NPY2R: variants seen among roughly 807,000 people sequenced by gnomAD.
NPY2R encodes neuropeptide Y receptor Y2, also known as neuropeptide Y receptor type 2.
A neutral mutation model predicts 22.3 loss-of-function variants in NPY2R; 17 were observed. The ratio of observed to expected loss-of-function variants is 0.76; its 90% CI spans 0.52 to 1.14. The LOEUF is 1.14. NPY2R is among the 50% of genes most tolerant of loss of function. NPY2R has a pLI of 0.00. For synonymous variants in NPY2R, 209 were observed against 183.4 expected, an observed-to-expected ratio of 1.14 and a Z score of -1.13; for missense variants, 424 against 467.9, an observed-to-expected ratio of 0.91 and a Z score of 0.87.
the NPY2R span, among the ~76,000 whole-genome samples, chr4:155,196,169 G>T: frequency 2.0e-5 from 3 of 151,948 alleles, no homozygotes; most frequent in Admixed American, 6.6e-5. Flanking sequence ...ATCCTGGTCG[G>T]TGTCTAACAT....
At chr4:155,197,310 G>T in the NPY2R span, among the ~76,000 whole-genome samples, 3 of 151,810 alleles carry the variant, frequency 2.0e-5, no homozygotes, top group African/African-American at 7.3e-5. Flanking sequence ...TTATTTGTAG[G>T]TATCATATTT....
At chr4:155,192,601 GT>G in the NPY2R span, among the ~76,000 whole-genome samples, 1 of 151,850 alleles carries the variant, frequency 6.6e-6, no homozygotes, top group Admixed American at 6.6e-5. Context: ...CTCACACACA[GT>G]TTTAAAATTT....
chr4:155,186,425 T>C, the NPY2R span, among the ~76,000 whole-genome samples: 2 of 152,172 alleles, frequency 1.3e-5, no homozygotes, highest in South Asian at 4.1e-4. Flanking sequence ...AAAAGCCATA[T>C]AGCTGTGTTC....
At chr4:155,199,537 CA>C in the NPY2R span, among the ~76,000 whole-genome samples, 1 of 151,884 alleles carries the variant, frequency 6.6e-6, no homozygotes, top group African/African-American at 2.4e-5. Flanking sequence ...TATATGGAAC[CA>C]AAAAAGAGCC....
the NPY2R span, among the ~76,000 whole-genome samples, chr4:155,201,257 A>G: frequency 6.6e-6 from 1 of 152,038 alleles, no homozygotes; most frequent in East Asian, 1.9e-4. Flanking sequence ...CTGGGCCTTG[A>G]GAGGTCATAA....
At chr4:155,183,333 C>T in the NPY2R span, among the ~76,000 whole-genome samples, 20 of 152,108 alleles carry the variant, frequency 1.3e-4, no homozygotes, top group Non-Finnish European at 2.1e-4. Context: ...TCCTTATGAC[C>T]TCAGGGCTGA....
the NPY2R span, among the ~76,000 whole-genome samples, chr4:155,175,175 AC>A: frequency 1.3e-5 from 2 of 152,174 alleles, no homozygotes; most frequent in Non-Finnish European, 2.9e-5. Flanking sequence ...AATTTCGCCA[AC>A]CGAGTACCAT....
chr4:155,213,541 G>T (rs1729446934), intron 1 of NPY2R, among the ~76,000 whole-genome samples: 1 of 151,992 alleles, frequency 6.6e-6, no homozygotes, highest in Non-Finnish European at 1.5e-5. Context: ...ATTCATAGTG[G>T]TTATACAATT....
At chr4:155,187,381 A>G in the NPY2R span, among the ~76,000 whole-genome samples, 2 of 152,320 alleles carry the variant, frequency 1.3e-5, no homozygotes, top group South Asian at 4.1e-4. Context: ...TCAGATCATA[A>G]ATCTGGTTTT....
At chr4:155,195,973 C>A in the NPY2R span, among the ~76,000 whole-genome samples, 2 of 151,770 alleles carry the variant, frequency 1.3e-5, no homozygotes, top group African/African-American at 4.8e-5. Flanking sequence ...TTCCAGAAAA[C>A]GAAAGTTTTA....
In NPY2R at chr4:155,215,876, A is replaced by G. The variant is rs1729504921; in HGVS notation, c.*791A>G. ...ATACTATTTAGATAACAAGAATACA[A>G]CTTGATACTTTTATTGTTATACCTT... On this transcript the variant is annotated 3_prime_UTR_variant, in exon 2 of 2. Transcript: ENST00000329476. 1 of 166,938 alleles carries G rather than the reference A, an allele frequency of 6.0e-6. No individual in the cohort carries two copies. Among genetic ancestry groups the G allele is most frequent in the East Asian group, 1.9e-4 (1 of 5,204 alleles). 10.3% of individuals were successfully genotyped at this position (166,938 alleles called of 1,614,324 possible).
At chr4:155,178,271 C>T in the NPY2R span, among the ~76,000 whole-genome samples, 29 of 152,224 alleles carry the variant, frequency 1.9e-4, no homozygotes, top group African/African-American at 7.0e-4. Flanking sequence ...AACAGCTCTC[C>T]TGGAAGAGGC....
chr4:155,206,657 G>T (rs1418282852), upstream of NPY2R: 5 of 152,214 alleles, frequency 3.3e-5, no homozygotes, highest in Non-Finnish European at 7.3e-5. Context: ...CTATAAGAGA[G>T]TGAGGCAAAT....
the NPY2R span, among the ~76,000 whole-genome samples, chr4:155,175,170 C>T: frequency 2.0e-5 from 3 of 152,002 alleles, no homozygotes; most frequent in Non-Finnish European, 2.9e-5. Context: ...AGGCAAATTT[C>T]GCCAACCGAG....
chr4:155,191,658 A>C, the NPY2R span, among the ~76,000 whole-genome samples: 1 of 151,826 alleles, frequency 6.6e-6, no homozygotes, highest in South Asian at 2.1e-4. Flanking sequence ...TTCATCTTTC[A>C]AATCCTTGCC....
rs1034239620 is a variant in NPY2R at position 155,215,651 on chromosome 4, C to G, written c.*566C>G. The G allele has an allele frequency of 1.8e-4, 31 of 173,736 alleles. No individual in the cohort carries two copies. Among genetic ancestry groups the G allele is most frequent in the Non-Finnish European group, 2.9e-4 (21 of 71,804 alleles). The allele number at this position is 173,736 out of a possible 1,614,324, so 10.8% of individuals were successfully genotyped here. On this transcript the variant is annotated 3_prime_UTR_variant, in exon 2 of 2. Transcript: ENST00000329476. ...ATACGAATGGCTTCGAGGAGATAAACTGAAATTTGCTATATAATTAATATT... is the reference window on the plus strand; with the variant it reads ...ATACGAATGGCTTCGAGGAGATAAAGTGAAATTTGCTATATAATTAATATT...
the NPY2R span, among the ~76,000 whole-genome samples, chr4:155,176,697 A>G: frequency 6.6e-6 from 1 of 151,980 alleles, no homozygotes. Context: ...GCTTTGGCAA[A>G]ACTGCACACA....
At chr4:155,182,207 C>A in the NPY2R span, among the ~76,000 whole-genome samples, 1 of 152,052 alleles carries the variant, frequency 6.6e-6, no homozygotes. Flanking sequence ...CCCCTCACAC[C>A]ACCACCAAAA....
chr4:155,188,454 G>C, the NPY2R span, among the ~76,000 whole-genome samples: 6 of 152,070 alleles, frequency 3.9e-5, no homozygotes, highest in African/African-American at 1.4e-4. Flanking sequence ...GATTTCCCCT[G>C]TCTCCCAGTA....
Sources: allele counts gnomAD v4.1 joint callset (sites outside exome capture counted in the v4.1 genomes callset), GRCh38; gene constraint gnomAD v4.1.1; transcripts MANE v1.5; gene names NCBI Gene and HGNC (gene_info 2026-07-23, HGNC 2026-07-21).